The following SMIM35 variants were observed in gnomAD, a reference collection of about 807,000 sequenced individuals.
SMIM35 encodes the protein TMPRSS4 antisense RNA 1 (non-protein coding).
intron 1 of SMIM35, among the ~76,000 whole-genome samples, chr11:118,019,624 T>A (rs1341861709): frequency 6.6e-6 from 1 of 152,208 alleles, no homozygotes; most frequent in African/African-American, 2.4e-5. Context: ...TTAATCAAAT[T>A]TATCTATTTG....
chr11:118,077,375 G>A (rs905434863), intron 1 of SMIM35: 2 of 1,498,812 alleles, frequency 1.3e-6, no homozygotes, highest in Non-Finnish European at 1.8e-6. Context: ...CCTTCAAGCA[G>A]CCTGAGCATC....
chr11:118,045,977 C>T (rs58618446), intron 1 of SMIM35, among the ~76,000 whole-genome samples: 6,053 of 152,230 alleles, frequency 0.04, 202 homozygotes, highest in East Asian at 0.19. Flanking sequence ...ACAAGGTTAA[C>T]GTGAAGATTA....
intron 1 of SMIM35, among the ~76,000 whole-genome samples, chr11:118,054,191 T>G (rs146488892): frequency 1.1e-3 from 164 of 152,172 alleles, no homozygotes; most frequent in African/African-American, 3.5e-3. Context: ...GTTCTTGTTT[T>G]TTTGTTTGTT....
intron 1 of SMIM35, among the ~76,000 whole-genome samples, chr11:118,030,535 T>C (rs1336477678): frequency 1.3e-5 from 2 of 152,228 alleles, no homozygotes; most frequent in African/African-American, 4.8e-5. Flanking sequence ...CTGCATGTTC[T>C]TTCTTGGGCC....
intron 1 of SMIM35, among the ~76,000 whole-genome samples, chr11:118,020,544 A>T (rs1280652092): frequency 6.6e-6 from 1 of 152,206 alleles, no homozygotes; most frequent in Non-Finnish European, 1.5e-5. Flanking sequence ...ATTTTGGGTC[A>T]TCTTTTATAG....
At chr11:118,048,250 C>T (rs961463517) in intron 1 of SMIM35, among the ~76,000 whole-genome samples, 4 of 152,272 alleles carry the variant, frequency 2.6e-5, no homozygotes, top group East Asian at 1.9e-4. Context: ...AGGCCGGGCA[C>T]GGTGGCTCAC....
At chr11:118,068,852 C>A (rs1944527152) in intron 1 of SMIM35, among the ~76,000 whole-genome samples, 1 of 152,222 alleles carries the variant, frequency 6.6e-6, no homozygotes, top group South Asian at 2.1e-4. Flanking sequence ...GCCGTGGTCT[C>A]TCCCCACGCA....
chr11:118,047,564 G>A (rs1208704593), intron 1 of SMIM35, among the ~76,000 whole-genome samples: 3 of 152,240 alleles, frequency 2.0e-5, no homozygotes, highest in East Asian at 1.9e-4. Context: ...ACCCACAGCC[G>A]GCCACAGCCA....
At chr11:118,025,854 T>C (rs1565383461) in intron 1 of SMIM35, 3 of 438,088 alleles carry the variant, frequency 6.8e-6, no homozygotes, top group Non-Finnish European at 1.3e-5. Context: ...AACTTAGTCA[T>C]AAATTCTTTG....
intron 1 of SMIM35, among the ~76,000 whole-genome samples, chr11:118,057,770 A>G (rs769246142): frequency 1.3e-5 from 2 of 152,284 alleles, no homozygotes; most frequent in Middle Eastern, 3.4e-3. Context: ...TGATGAGAGA[A>G]ATTGGAGGTG....
At chr11:118,010,808 C>G (rs2058146133) in intron 4 of SMIM35, among the ~76,000 whole-genome samples, 1 of 152,180 alleles carries the variant, frequency 6.6e-6, no homozygotes. Flanking sequence ...ACCCCCAGCC[C>G]CCGTGACTGC....
chr11:118,010,659 C>T (rs755421360), intron 4 of SMIM35, among the ~76,000 whole-genome samples: 2 of 152,172 alleles, frequency 1.3e-5, no homozygotes, highest in Non-Finnish European at 2.9e-5. Flanking sequence ...ACAGCAAAGA[C>T]GGACTTGGGC....
At chr11:118,018,527 T>C (rs1372958079) in intron 1 of SMIM35, among the ~76,000 whole-genome samples, 19 of 152,128 alleles carry the variant, frequency 1.2e-4, no homozygotes, top group African/African-American at 4.1e-4. Flanking sequence ...CTTCAAGAAC[T>C]AAGGGTTAGT....
chr11:118,009,897 A>G (rs2058141755), intron 4 of SMIM35, among the ~76,000 whole-genome samples: 1 of 152,176 alleles, frequency 6.6e-6, no homozygotes, highest in African/African-American at 2.4e-5. Flanking sequence ...GGTCAGAACC[A>G]GACCTTATAC....
chr11:118,040,123 C>G (rs532529465), intron 1 of SMIM35, among the ~76,000 whole-genome samples: 4 of 150,824 alleles, frequency 2.7e-5, no homozygotes, highest in East Asian at 2.0e-4. Context: ...AGCTGAGGCA[C>G]GAGAATCGCT....
At chr11:118,078,506 G>A (rs939224738) in intron 1 of SMIM35, among the ~76,000 whole-genome samples, 2 of 152,222 alleles carry the variant, frequency 1.3e-5, no homozygotes, top group Admixed American at 6.5e-5. Context: ...TCAGAAAGGG[G>A]AAGGGGCTTC....
rs551934723 is a variant in SMIM35, at chr11:118,084,413, A to C, written c.7+2338T>G. Among the ~76,000 whole-genome samples, 92 of 152,366 alleles carry C rather than the reference A, an allele frequency of 6.0e-4. 1 individual carries two copies. The highest frequency in any genetic ancestry group is 2.1e-3 in the African/African-American group (86 of 41,584). On this transcript the variant is annotated intron_variant, in intron 1 of 4. Transcript: ENST00000689828. Reference sequence around the variant, plus strand: ...AGGTTATGCAACTGCAAAGTCAGAGAGGCAGAGAAGACACTGAAGCACTAT... The same window carrying C: ...AGGTTATGCAACTGCAAAGTCAGAGCGGCAGAGAAGACACTGAAGCACTAT...
At chr11:118,038,194 G>C (rs1355729878) in intron 1 of SMIM35, among the ~76,000 whole-genome samples, 2 of 152,234 alleles carry the variant, frequency 1.3e-5, no homozygotes, top group Non-Finnish European at 2.9e-5. Context: ...TGGAGGCCGA[G>C]GGGGCAGGCT....
chr11:118,055,953 T>C (rs746902321), intron 1 of SMIM35, among the ~76,000 whole-genome samples: 1 of 151,946 alleles, frequency 6.6e-6, no homozygotes, highest in Non-Finnish European at 1.5e-5. Context: ...ATCCCTGGAC[T>C]ATGTGAGGTC....
Sources: gnomAD v4.1 joint callset for allele counts (sites outside exome capture counted in the v4.1 genomes callset) on GRCh38, gnomAD v4.1.1 for gene constraint, MANE v1.5 for transcripts, NCBI Gene and HGNC (gene_info 2026-07-23, HGNC 2026-07-21) for gene names.